The following CELA3B variants were observed in gnomAD, a reference collection of about 807,000 sequenced individuals.
CELA3B encodes chymotrypsin-like elastase family member 3B.
CELA3B carries 34 observed loss-of-function variants against 37.2 expected under a neutral mutation model. The observed-to-expected ratio is 0.91, with a 90% CI of 0.70 to 1.22. The LOEUF is 1.22. Ranked by LOEUF, CELA3B falls within the 50% of genes most tolerant of loss-of-function variation. The pLI is 0.00. For missense variants in CELA3B, 340 were observed against 363.1 expected (o/e 0.94, Z 0.52); for synonymous variants, 127 against 143.5 (o/e 0.89, Z 0.82).
rs756491417 is a variant in CELA3B, at chr1:21,979,447, TC to T, written c.129+994del. Reference sequence around the variant, plus strand: ...CCATATTTCTTTTTTTCTTTTCTTTTCTTTTCTTTTTTTTTTTTTTTTTGAG... The same window carrying T: ...CCATATTTCTTTTTTTCTTTTCTTTTTTTTCTTTTTTTTTTTTTTTTTGAG... On this transcript the variant is annotated intron_variant, in intron 2 of 7. Coordinates refer to ENST00000337107, the MANE Select transcript of CELA3B (RefSeq NM_007352.4). Among the ~76,000 whole-genome samples the T allele has an allele frequency of 7.0e-3, 737 of 106,014 alleles. 16 individuals carry two copies. Among genetic ancestry groups the T allele is most frequent in the African/African-American group, 0.022 (631 of 28,658 alleles). 69.5% of individuals were successfully genotyped at this position (106,014 alleles called of 152,430 possible). A position where few individuals can be genotyped will look rare whatever the true frequency, so the allele number is the denominator to read the frequency against.
chr1:21,996,593 A>G (rs906633974), intron 4 of CELA3B, among the ~76,000 whole-genome samples: 2 of 151,142 alleles, frequency 1.3e-5, no homozygotes, highest in African/African-American at 4.9e-5. Context: ...TTTCTTAATT[A>G]ACTTGCTTTC....
rs112909663 is a variant in CELA3B at position 21,983,791 on chromosome 1, G to C, written c.460G>C (p.Glu154Gln). Residue 154 changes from glutamate (E) to glutamine (Q), a missense_variant, in exon 5 of 8, where the codon GAG becomes CAG. Physicochemically the swap from Glu to Gln is conservative, Grantham distance 29 (BLOSUM62 2). Transcript: ENST00000337107. The part of the protein sequence containing the change: ...LPPAGDILPN[E>Q]TPCYITGWGR... Reference sequence around the variant, plus strand: ...TCCGGCTGGTGACATCCTTCCCAACGAGACACCCTGCTACATCACCGGCTG... The same window carrying C: ...TCCGGCTGGTGACATCCTTCCCAACCAGACACCCTGCTACATCACCGGCTG... 2 of 1,613,524 alleles carry C rather than the reference G, an allele frequency of 1.2e-6. No individual in the cohort carries two copies. The highest frequency in any genetic ancestry group is 2.7e-5 in the African/African-American group (2 of 74,878).
At chr1:21,981,927 G>A (rs575520679) in intron 4 of CELA3B, among the ~76,000 whole-genome samples, 101 of 151,974 alleles carry the variant, frequency 6.6e-4, no homozygotes, top group Middle Eastern at 3.4e-3. Flanking sequence ...GGGTTTCACC[G>A]TGTTAGCCAG....
At chr1:21,998,571 G>A (rs980808521) in exon 5 of CELA3B, 4 of 166,084 alleles carry the variant, frequency 2.4e-5, no homozygotes, top group Admixed American at 1.7e-4. Flanking sequence ...AGGAAGCGGA[G>A]GGCATTTGAA....
rs148974518 is a variant in CELA3B, at chr1:21,984,225, T to G, written c.536T>G (p.Leu179Arg). The change falls in exon 6 of 8, where the codon CTG (leucine) becomes CGG (arginine). Residue 179 changes from leucine (L) to arginine (R), a missense_variant. Leu to Arg is a moderately radical substitution (Grantham distance 102, BLOSUM62 -2). Transcript: ENST00000337107. ...GPLPDKLQEA[L>R]LPVVDYEHCS... ...CTCCCAGACAAGCTGCAGGAGGCCCTGCTGCCGGTGGTGGACTATGAACAC... is the reference window on the plus strand; with the variant it reads ...CTCCCAGACAAGCTGCAGGAGGCCCGGCTGCCGGTGGTGGACTATGAACAC... The G allele has an allele frequency of 1.1e-4, 177 of 1,614,126 alleles. 2 individuals carry two copies. The African/African-American group carries it at 1.4e-3, about 13-fold the overall frequency.
rs1169238038 is a variant in CELA3B at position 21,989,290 on chromosome 1, C to T, written c.*11C>T. The T allele has an allele frequency of 1.7e-5, 26 of 1,543,946 alleles. No homozygotes were observed. The highest frequency in any genetic ancestry group is 2.2e-5 in the Non-Finnish European group (25 of 1,123,910). On this transcript the variant is annotated 3_prime_UTR_variant, in exon 8 of 8. Coordinates refer to ENST00000337107, the MANE Select transcript of CELA3B (RefSeq NM_007352.4). ...ATAGCAAGCCACTAGAACCAAGGCC[C>T]AGCTGGCAGTGCTGATCGATCCCAC...
intron 5 of CELA3B, 148 bp from the exon 6 acceptor site, chr1:21,984,041 T>C: frequency 8.0e-7 from 1 of 1,247,434 alleles, no homozygotes; most frequent in South Asian, 1.4e-5. Flanking sequence ...AGGGATGTAA[T>C]GGTGCACAAA....
chr1:21,995,607 T>C (rs146972836), intron 4 of CELA3B, among the ~76,000 whole-genome samples: 2,616 of 151,110 alleles, frequency 0.017, 158 homozygotes, highest in East Asian at 0.06. Flanking sequence ...CTTCCCTTTT[T>C]TTCATCTGGA....
At chr1:21,987,149 A>AT (rs1644843367) in intron 7 of CELA3B, 1 of 225,848 alleles carries the variant, frequency 4.4e-6, no homozygotes, top group Non-Finnish European at 9.1e-6. Context: ...ACAAAAAAAA[A>AT]AAAGAAAAAA....
intron 4 of CELA3B, 41 bp from the exon 5 acceptor site, chr1:21,983,653 G>A: frequency 6.2e-7 from 1 of 1,604,924 alleles, no homozygotes. Context: ...GACTTGGGCC[G>A]GCTGGAGGAC....
In CELA3B at chr1:21,984,321, C is replaced by T. The variant is rs749455829; in HGVS notation, c.632C>T (p.Ser211Phe). Reference protein sequence around the residue: ...TMVCAGGDIRSGCNGDSGGPL... With the variant: ...TMVCAGGDIRFGCNGDSGGPL... ...GTGTGTGCTGGAGGGGACATCCGCT[C>T]CGGCTGCAATGTGAGTCAGCTCTTA... Residue 211 changes from serine to phenylalanine, a missense_variant, in exon 6 of 8, where the codon TCC (serine) becomes TTC (phenylalanine). Ser to Phe is a radical substitution (Grantham distance 155). Coordinates refer to ENST00000337107, the MANE Select transcript of CELA3B (RefSeq NM_007352.4). 6.2e-7 allele frequency: 1 copy of T among 1,613,408 alleles called. No individual in the cohort carries two copies. The highest frequency in any genetic ancestry group is 1.7e-5 in the Admixed American group (1 of 59,966).
At chr1:21,993,880 T>C (rs1268953290), downstream of CELA3B, among the ~76,000 whole-genome samples, 1 of 145,916 alleles carries the variant, frequency 6.9e-6, no homozygotes, top group African/African-American at 2.6e-5. Flanking sequence ...TCCTTCGACC[T>C]CAGCCCATCC....
chr1:21,985,109 C>T (rs1213045538), intron 6 of CELA3B, among the ~76,000 whole-genome samples: 1 of 151,758 alleles, frequency 6.6e-6, no homozygotes, highest in African/African-American at 2.4e-5. Flanking sequence ...GTGAGATGCC[C>T]ATCTACAAAA....
intron 2 of CELA3B, among the ~76,000 whole-genome samples, chr1:21,979,023 G>A (rs1336634696): frequency 6.8e-6 from 1 of 146,690 alleles, no homozygotes; most frequent in East Asian, 2.1e-4. Context: ...CTCCAGCCCT[G>A]GGCAACAGAG....
In CELA3B at chr1:21,981,020, C is replaced by T. The variant is rs550953634; in HGVS notation, c.228-18C>T. On this transcript the variant is annotated intron_variant, in intron 3 of 7. Coordinates refer to ENST00000337107, the MANE Select transcript of CELA3B (RefSeq NM_007352.4). ...AGGTAGCCAGTCAGGCCCAGACTGA[C>T]CTCACCTCCGCCCGCAGGAGCTCCC... is the stretch of plus-strand genomic sequence containing the variant. The T allele has an allele frequency of 4.3e-5, 69 of 1,614,084 alleles. 1 individual carries two copies. The South Asian group carries it at 6.3e-4, about 15-fold the overall frequency.
chr1:21,993,393 C>G (rs1177983194), downstream of CELA3B, among the ~76,000 whole-genome samples: 1 of 143,296 alleles, frequency 7.0e-6, no homozygotes, highest in African/African-American at 2.7e-5. Context: ...ACTTGGGAGG[C>G]GGAGGTTGCA....
At chr1:21,985,389 C>A (rs372710086) in intron 6 of CELA3B, among the ~76,000 whole-genome samples, 1,815 of 152,030 alleles carry the variant, frequency 0.012, 44 homozygotes, top group African/African-American at 0.041. Context: ...GCAATCCTCC[C>A]ATGTCAGCCT....
chr1:21,985,497 C>A (rs896035981), intron 6 of CELA3B, among the ~76,000 whole-genome samples: 28 of 151,812 alleles, frequency 1.8e-4, no homozygotes, highest in African/African-American at 6.5e-4. Flanking sequence ...AGGCTTGTCT[C>A]TAACTCTTGG....
chr1:21,988,415 T>C (rs1245045838), intron 7 of CELA3B, among the ~76,000 whole-genome samples: 34 of 148,626 alleles, frequency 2.3e-4, no homozygotes, highest in Non-Finnish European at 3.9e-4. Flanking sequence ...TATGGTGAAA[T>C]CCTGTCTCTA....
Sources: gnomAD v4.1 joint callset for allele counts (sites outside exome capture counted in the v4.1 genomes callset) on GRCh38, gnomAD v4.1.1 for gene constraint, MANE v1.5 for transcripts, NCBI Gene and HGNC (gene_info 2026-07-23, HGNC 2026-07-21) for gene names.